Variants in MCCC1 observed in about 807,000 individuals in gnomAD.
MCCC1 encodes the protein methylcrotonoyl-CoA carboxylase subunit alpha, mitochondrial.
Under a neutral mutation model 83.8 loss-of-function variants are expected in MCCC1, and 64 were observed. That is an observed-to-expected ratio of 0.76 (90% CI 0.62 to 0.94). The LOEUF is 0.94. Among genes scored for constraint, MCCC1 ranks in the 40% least tolerant of loss-of-function variants. MCCC1 has a pLI of 0.00. For synonymous variants in MCCC1, 322 were observed against 315.4 expected (o/e 1.02, Z -0.22); for missense variants, 807 against 904.7 (o/e 0.89, Z 1.39).
chr3:183,046,633 C>T (rs1714578968), intron 9 of MCCC1, among the ~76,000 whole-genome samples: 1 of 152,068 alleles, frequency 6.6e-6, no homozygotes, highest in Admixed American at 6.6e-5. Flanking sequence ...CTCCTGACCT[C>T]AAGTGATCCA....
chr3:183,085,256 C>T (rs1480737849), intron 4 of MCCC1, among the ~76,000 whole-genome samples: 5 of 152,024 alleles, frequency 3.3e-5, no homozygotes, highest in Non-Finnish European at 1.5e-5. Flanking sequence ...CATCCATTTC[C>T]CCACCCAGAA....
chr3:183,017,627 TCAAATCTGAGACCTACAGCCCAAATGC>T (rs1711765315), intron 17 of MCCC1: 3 of 411,196 alleles, frequency 7.3e-6, no homozygotes, highest in Middle Eastern at 7.4e-4. Flanking sequence ...AATATACAGG[TCAAATCTGAGACCTACAGCCCAAATGC>T]ACTGGTCAAA....
intron 9 of MCCC1, among the ~76,000 whole-genome samples, chr3:183,046,116 T>C (rs759647414): frequency 2.6e-5 from 4 of 152,216 alleles, no homozygotes; most frequent in Non-Finnish European, 5.9e-5. Context: ...GCATGTGATT[T>C]AGCAATTGAA....
chr3:183,096,134 G>A (rs924878271), intron 1 of MCCC1, among the ~76,000 whole-genome samples: 6 of 152,046 alleles, frequency 3.9e-5, no homozygotes, highest in South Asian at 2.1e-4. Flanking sequence ...TCAGGAGTTC[G>A]AGACCAGCCT....
chr3:183,027,156 C>A (rs1189743534), intron 14 of MCCC1, among the ~76,000 whole-genome samples: 1 of 152,128 alleles, frequency 6.6e-6, no homozygotes, highest in Non-Finnish European at 1.5e-5. Flanking sequence ...CCTCAATCTG[C>A]GCCCATGTAA....
chr3:183,061,903 T>C (rs984273318), intron 7 of MCCC1, among the ~76,000 whole-genome samples: 1 of 152,236 alleles, frequency 6.6e-6, no homozygotes, highest in African/African-American at 2.4e-5. Flanking sequence ...GTAGCTCCCA[T>C]AATCCCCATG....
intron 5 of MCCC1, among the ~76,000 whole-genome samples, chr3:183,071,999 G>A (rs1166969812): frequency 6.6e-6 from 1 of 151,176 alleles, no homozygotes; most frequent in African/African-American, 2.4e-5. Context: ...CTCCCAAGAT[G>A]CTGGACCCAC....
intron 7 of MCCC1, among the ~76,000 whole-genome samples, chr3:183,063,531 A>C (rs1237708860): frequency 6.6e-6 from 1 of 152,208 alleles, no homozygotes; most frequent in Non-Finnish European, 1.5e-5. Context: ...GGACATAAAG[A>C]ATACACAGTA....
rs1439570320 is a variant in MCCC1 at position 183,072,486 on chromosome 3, G to A, written c.371C>T (p.Ala124Val). 1 of 1,613,600 alleles carries A rather than the reference G, an allele frequency of 6.2e-7. No individual in the cohort carries two copies. Among genetic ancestry groups the A allele is most frequent in the Non-Finnish European group, 8.5e-7 (1 of 1,179,782 alleles). The stretch of plus-strand genomic sequence containing the variant: ...GAGAAAACCGCATCCTGGATGGATA[G>A]CCTAGAAATGAGAAATAAAATAAAA... ...IQVAKTSAAQ[A>V]IHPGCGFLSE... The change falls in exon 5 of 19, where the codon GCT becomes GTT. Residue 124 changes from alanine to valine, a missense_variant and splice_region_variant. Coordinates refer to ENST00000265594, the MANE Select transcript of MCCC1 (RefSeq NM_020166.5).
chr3:183,051,850 A>T (rs979508567), intron 9 of MCCC1, among the ~76,000 whole-genome samples: 1 of 152,188 alleles, frequency 6.6e-6, no homozygotes, highest in Admixed American at 6.5e-5. Flanking sequence ...CTGCTCTAAA[A>T]GAGAAAGTTT....
intron 14 of MCCC1, among the ~76,000 whole-genome samples, chr3:183,031,929 A>G (rs1256357861): frequency 6.6e-6 from 1 of 151,740 alleles, no homozygotes; most frequent in Non-Finnish European, 1.5e-5. Flanking sequence ...TTGGCCTCCC[A>G]AAGTGCTGAG....
At chr3:183,085,050 C>T (rs958336853) in intron 4 of MCCC1, among the ~76,000 whole-genome samples, 16 of 152,196 alleles carry the variant, frequency 1.1e-4, no homozygotes, top group Admixed American at 1.0e-3. Flanking sequence ...ACTCGTTAAA[C>T]AAAGCACTAA....
At chr3:183,026,837 G>A (rs1188041887) in intron 14 of MCCC1, among the ~76,000 whole-genome samples, 4 of 152,160 alleles carry the variant, frequency 2.6e-5, no homozygotes, top group South Asian at 2.1e-4. Flanking sequence ...CCATTAAATG[G>A]GTATAAAAAT....
At chr3:183,058,864 T>C (rs142211937) in intron 7 of MCCC1, among the ~76,000 whole-genome samples, 707 of 152,326 alleles carry the variant, frequency 4.6e-3, no homozygotes, top group Non-Finnish European at 7.6e-3. Context: ...TCAGCAAATA[T>C]GTTTTCCTGT....
At chr3:183,042,819 C>G (rs1041593152) in intron 10 of MCCC1, among the ~76,000 whole-genome samples, 7 of 152,170 alleles carry the variant, frequency 4.6e-5, no homozygotes, top group Admixed American at 1.3e-4. Flanking sequence ...CACTATGTTA[C>G]CTATTATCAT....
At chr3:183,113,702 CAAAAAAAAAT>C (rs1719539669) in intron 1 of MCCC1, among the ~76,000 whole-genome samples, 1 of 145,482 alleles carries the variant, frequency 6.9e-6, no homozygotes, top group South Asian at 2.2e-4. Flanking sequence ...GACTCTGTCT[CAAAAAAAAAT>C]AAAAAAAAAT....
At chr3:183,066,279 T>C (rs559734907) in intron 7 of MCCC1, among the ~76,000 whole-genome samples, 1 of 152,330 alleles carries the variant, frequency 6.6e-6, no homozygotes, top group East Asian at 1.9e-4. Context: ...TTGTCTTGTT[T>C]TGATCCTCTT....
At chr3:183,036,983 A>C (rs1437001210) in intron 13 of MCCC1, among the ~76,000 whole-genome samples, 1 of 152,032 alleles carries the variant, frequency 6.6e-6, no homozygotes, top group Non-Finnish European at 1.5e-5. Flanking sequence ...AAAGAGATCC[A>C]TTTCTACAAT....
intron 11 of MCCC1, among the ~76,000 whole-genome samples, chr3:183,040,503 G>A (rs1037165082): frequency 2.1e-4 from 30 of 144,344 alleles, no homozygotes; most frequent in South Asian, 2.2e-4. Flanking sequence ...TTGAGGCCAG[G>A]AGTTTGAGAC....
Sources: allele counts gnomAD v4.1 joint callset (sites outside exome capture counted in the v4.1 genomes callset), GRCh38; gene constraint gnomAD v4.1.1; transcripts MANE v1.5; gene names NCBI Gene and HGNC (gene_info 2026-07-23, HGNC 2026-07-21).